The following TCTN3 variants were observed in gnomAD, a reference collection of about 807,000 sequenced individuals.
The protein encoded by TCTN3 is tectonic-3.
Under a neutral mutation model 71.3 loss-of-function variants are expected in TCTN3, and 57 were observed. The observed-to-expected ratio is 0.80, with a 90% CI of 0.65 to 1.00. The LOEUF is 1.00. Among genes scored for constraint, TCTN3 ranks in the 50% least tolerant of loss-of-function variants. The pLI is 0.00. For missense variants in TCTN3, 696 were observed against 719.9 expected, an observed-to-expected ratio of 0.97 and a Z score of 0.38; for synonymous variants, 258 against 267.8, an observed-to-expected ratio of 0.96 and a Z score of 0.36.
chr10:95,686,596 T>G, intron 6 of TCTN3, 66 bp from the exon 7 acceptor site: 1 of 1,515,722 alleles, frequency 6.6e-7, no homozygotes, highest in Non-Finnish European at 9.1e-7. Flanking sequence ...GCTTGTGGTT[T>G]CATATTACTA....
intron 13 of TCTN3, among the ~76,000 whole-genome samples, chr10:95,679,695 C>A (rs1589611018): frequency 6.7e-6 from 1 of 149,404 alleles, no homozygotes; most frequent in South Asian, 2.1e-4. Context: ...GGGTTCACGC[C>A]ATTCTCCTGC....
chr10:95,687,170 A>T lies in TCTN3; in HGVS notation c.737-11T>A. ...TACTCTCTAGGAAACCTTAAACACA[A>T]ATAATTAAGAGAGTGGTAAATGAGA... On this transcript the variant is annotated splice_polypyrimidine_tract_variant and intron_variant, in intron 5 of 13. Coordinates refer to ENST00000371217, the MANE Select transcript of TCTN3 (RefSeq NM_015631.6). 2 of 1,613,240 alleles carry T rather than the reference A, an allele frequency of 1.2e-6. No homozygotes were observed. Among genetic ancestry groups the T allele is most frequent in the Non-Finnish European group, 1.7e-6 (2 of 1,179,236 alleles).
At chr10:95,671,071 T>C (rs569550479) in intron 13 of TCTN3, among the ~76,000 whole-genome samples, 13 of 152,346 alleles carry the variant, frequency 8.5e-5, no homozygotes, top group Non-Finnish European at 1.6e-4. Flanking sequence ...CCATTTGTGT[T>C]TTAAAAGTTA....
At chr10:95,693,278 CTCT>C in intron 2 of TCTN3, 72 bp downstream of exon 2, 1 of 1,538,190 alleles carries the variant, frequency 6.5e-7, no homozygotes, top group Non-Finnish European at 8.8e-7. Context: ...CAAAGACTAA[CTCT>C]TCTTACATCC....
chr10:95,681,474 T>C (rs2139733994), intron 12 of TCTN3, among the ~76,000 whole-genome samples: 1 of 152,326 alleles, frequency 6.6e-6, no homozygotes, highest in South Asian at 2.1e-4. Flanking sequence ...AGTAAAGGAT[T>C]TGAATACAGG....
At chr10:95,680,634 G>C in intron 12 of TCTN3, 25 bp from the exon 13 acceptor site, 1 of 1,608,158 alleles carries the variant, frequency 6.2e-7, no homozygotes, top group Non-Finnish European at 8.5e-7. Context: ...AGAAGCATCT[G>C]CTTGAATTGC....
In TCTN3 at chr10:95,679,583, C is replaced by CTTT. The variant is rs201828119; in HGVS notation, c.1590+886_1590+888dup. Among the ~76,000 whole-genome samples the CTTT allele has an allele frequency of 3.6e-4, 35 of 96,448 alleles. 1 individual carries two copies. The highest frequency in any genetic ancestry group is 7.5e-4 in the African/African-American group (21 of 27,994). 63.3% of individuals were successfully genotyped at this position (96,448 alleles called of 152,430 possible). A position where few individuals can be genotyped will look rare whatever the true frequency, so the allele number is the denominator to read the frequency against. Reference sequence around the variant, plus strand: ...TAATTTCACTAGGACCTAGTCATTTCTTTTTTTTTTTTTTTTTTTTTTTTT... The same window carrying CTTT: ...TAATTTCACTAGGACCTAGTCATTTCTTTTTTTTTTTTTTTTTTTTTTTTTTTT... On this transcript the variant is annotated intron_variant, in intron 13 of 13. Coordinates refer to ENST00000371217, the MANE Select transcript of TCTN3 (RefSeq NM_015631.6).
intron 10 of TCTN3, 159 bp from the exon 11 acceptor site, chr10:95,683,354 C>A: frequency 6.6e-7 from 1 of 1,506,074 alleles, no homozygotes; most frequent in Non-Finnish European, 8.9e-7. Context: ...CAGAAAACCA[C>A]AGAGAGACAA....
At chr10:95,677,777 G>C (rs2097938952) in intron 13 of TCTN3, among the ~76,000 whole-genome samples, 1 of 152,076 alleles carries the variant, frequency 6.6e-6, no homozygotes, top group African/African-American at 2.4e-5. Context: ...ATGCAGAACA[G>C]GGTAGAGTAC....
At chr10:95,692,632 G>A (rs1275711408) in intron 3 of TCTN3, among the ~76,000 whole-genome samples, 1 of 151,424 alleles carries the variant, frequency 6.6e-6, no homozygotes, top group Non-Finnish European at 1.5e-5. Flanking sequence ...CAGAATAAAA[G>A]CCAATTCTCA....
chr10:95,684,558 T>C lies in TCTN3; in HGVS notation c.1036A>G (p.Thr346Ala). 1 of 1,614,082 alleles carries C rather than the reference T, an allele frequency of 6.2e-7. No homozygotes were observed. Residue 346 changes from threonine to alanine, a missense_variant, in exon 9 of 14, where the codon ACC becomes GCC. Physicochemically the swap from Thr to Ala is moderately conservative, Grantham distance 58. Transcript: ENST00000371217. Reference protein sequence around the residue: ...IQKVSVSLGQTNLTVEPGASL... With the variant: ...IQKVSVSLGQANLTVEPGASL... ...GCGCCTGGCTCAACAGTCAGGTTGGTTTGTCCCAAACTGACAGAAACTTTC... is the reference window on the plus strand; with the variant it reads ...GCGCCTGGCTCAACAGTCAGGTTGGCTTGTCCCAAACTGACAGAAACTTTC...
chr10:95,681,008 C>A (rs1329362065), intron 12 of TCTN3, among the ~76,000 whole-genome samples: 2 of 151,324 alleles, frequency 1.3e-5, no homozygotes, highest in Admixed American at 1.3e-4. Context: ...GAACTCCTGA[C>A]CTTGTGATTT....
Position 95,682,793 on chromosome 10 carries a change from G to A in TCTN3, c.1310C>T (p.Ala437Val). The A allele has an allele frequency of 1.2e-6, 2 of 1,613,784 alleles. No homozygotes were observed. Among genetic ancestry groups the A allele is most frequent in the East Asian group, 2.2e-5 (1 of 44,870 alleles). The part of the protein sequence containing the change: ...ISGCKLRLKK[A>V]DCSHLQQEIY... ...CTCCTGCTGCAAGTGGCTGCAGTCT[G>A]CCTTCTTCAACCTATAATTAAACAC... Residue 437 changes from alanine to valine, a missense_variant, in exon 12 of 14, where the codon GCA becomes GTA. Physicochemically the swap from Ala to Val is moderately conservative, Grantham distance 64 (BLOSUM62 0). Coordinates refer to ENST00000371217, the MANE Select transcript of TCTN3 (RefSeq NM_015631.6).
chr10:95,677,483 G>GTTTTT (rs1223582407), intron 13 of TCTN3, among the ~76,000 whole-genome samples: 2 of 61,986 alleles, frequency 3.2e-5, no homozygotes, highest in Admixed American at 2.2e-4. Flanking sequence ...AGTTTTTTTT[G>GTTTTT]TTTTTTTTTT....
chr10:95,681,071 C>T (rs2097942519), intron 12 of TCTN3, among the ~76,000 whole-genome samples: 2 of 149,520 alleles, frequency 1.3e-5, no homozygotes, highest in African/African-American at 2.5e-5. Context: ...CCACCACACC[C>T]GACCTCTGAT....
chr10:95,672,345 G>C (rs1418271644), intron 13 of TCTN3, among the ~76,000 whole-genome samples: 2 of 152,158 alleles, frequency 1.3e-5, no homozygotes, highest in Non-Finnish European at 2.9e-5. Context: ...GAGTGATTAT[G>C]AATAGGGCTG....
chr10:95,685,716 A>G, intron 7 of TCTN3, 80 bp from the exon 8 acceptor site: 1 of 1,167,878 alleles, frequency 8.6e-7, no homozygotes, highest in Non-Finnish European at 1.2e-6. Flanking sequence ...TCATGCTAAG[A>G]TGAGTATTTT....
At chr10:95,666,054 C>T (rs1447885937) in intron 13 of TCTN3, among the ~76,000 whole-genome samples, 1 of 151,938 alleles carries the variant, frequency 6.6e-6, no homozygotes, top group Non-Finnish European at 1.5e-5. Flanking sequence ...CATTCTCCTG[C>T]CTCAGCCTCC....
chr10:95,688,397 G>GAAAAAA (rs60722894), intron 3 of TCTN3, among the ~76,000 whole-genome samples: 14 of 104,584 alleles, frequency 1.3e-4, no homozygotes, highest in South Asian at 3.1e-4. Flanking sequence ...TCAAAAAAAA[G>GAAAAAA]AAAAAAAAAA....
Sources: gnomAD v4.1 joint callset for allele counts (sites outside exome capture counted in the v4.1 genomes callset) on GRCh38, gnomAD v4.1.1 for gene constraint, MANE v1.5 for transcripts, NCBI Gene and HGNC (gene_info 2026-07-23, HGNC 2026-07-21) for gene names.